COL14A1: variants seen among roughly 807,000 people sequenced by gnomAD.
The protein encoded by COL14A1 is collagen alpha-1(XIV) chain.
In COL14A1, 136 loss-of-function variants were observed where a neutral mutation model predicts 230.3. That is an observed-to-expected ratio of 0.59 (90% CI 0.51 to 0.68). The LOEUF (loss-of-function observed/expected upper bound fraction) is 0.68. Ranked by LOEUF, COL14A1 falls within the 30% of genes least tolerant of loss-of-function variation. The pLI, the probability that COL14A1 is intolerant of heterozygous loss-of-function variation, is 0.00. For synonymous variants in COL14A1, 792 were observed against 784.1 expected (o/e 1.01, Z -0.17); for missense variants, 1,976 against 2,215.8 (o/e 0.89, Z 2.17).
rs1047539171 is a variant in COL14A1 at position 120,366,162 on chromosome 8, T to C, written c.5078-1009T>C. ...TTTCAAGTGCTAGCATCTTGCTTGTTACATCTAATTTGTTGACAGTGAATA... is the reference window on the plus strand; with the variant it reads ...TTTCAAGTGCTAGCATCTTGCTTGTCACATCTAATTTGTTGACAGTGAATA... On this transcript the variant is annotated intron_variant, in intron 45 of 47. Transcript: ENST00000297848. 1.5e-4 allele frequency among the ~76,000 whole-genome samples: 23 copies of C among 152,254 alleles called. 1 individual carries two copies. The highest frequency in any genetic ancestry group is 2.5e-4 in the Non-Finnish European group (17 of 68,048).
chr8:120,255,641 C>T (rs1819123127), intron 23 of COL14A1, among the ~76,000 whole-genome samples: 1 of 152,156 alleles, frequency 6.6e-6, no homozygotes, highest in Non-Finnish European at 1.5e-5. Flanking sequence ...AAAGCACTTG[C>T]AGTAGTGCTT....
intron 5 of COL14A1, among the ~76,000 whole-genome samples, chr8:120,176,300 G>A (rs557322305): frequency 1.5e-4 from 23 of 152,248 alleles, no homozygotes; most frequent in African/African-American, 5.3e-4. Flanking sequence ...CCCTCATGGA[G>A]CTTACATAAT....
intron 5 of COL14A1, among the ~76,000 whole-genome samples, chr8:120,176,212 G>A (rs1816278615): frequency 1.3e-5 from 2 of 152,306 alleles, no homozygotes; most frequent in African/African-American, 4.8e-5. Context: ...ACATAGAAGA[G>A]CTGGTAATTA....
chr8:120,195,542 G>A (rs182608879), intron 5 of COL14A1, among the ~76,000 whole-genome samples: 31 of 152,216 alleles, frequency 2.0e-4, no homozygotes, highest in Admixed American at 1.6e-3. Context: ...AGACATACTC[G>A]AGACTGGGTA....
intron 36 of COL14A1, among the ~76,000 whole-genome samples, chr8:120,308,277 C>T (rs1352669781): frequency 6.6e-6 from 1 of 152,208 alleles, no homozygotes; most frequent in African/African-American, 2.4e-5. Flanking sequence ...CCAGTGCGCC[C>T]AGCCTGAAGC....
At chr8:120,222,163 G>A (rs1294377382) in intron 14 of COL14A1, among the ~76,000 whole-genome samples, 1 of 152,144 alleles carries the variant, frequency 6.6e-6, no homozygotes, top group Non-Finnish European at 1.5e-5. Flanking sequence ...TTTTCAAATT[G>A]GGAGTAATAA....
At chr8:120,276,274 C>T (rs1819841161) in intron 26 of COL14A1, among the ~76,000 whole-genome samples, 1 of 150,898 alleles carries the variant, frequency 6.6e-6, no homozygotes, top group Non-Finnish European at 1.5e-5. Flanking sequence ...AAATCAAATA[C>T]CGTATGTTCT....
Position 120,332,155 on chromosome 8 carries a change from G to T in COL14A1, c.4674G>T (p.Lys1558Asn). The change falls in exon 41 of 48, where the codon AAG becomes AAT. Residue 1558 changes from lysine to asparagine, a missense_variant. Lys to Asn is a moderately conservative substitution (Grantham distance 94). Transcript: ENST00000297848. ...GSPGQRGLPG[K>N]DGSSGPPGPP... is the part of the protein sequence containing the mutation. ...CTTTTCGCCAGGGCCTTCCGGGAAA[G>T]GATGGATCCTCGGGACCTCCAGGAC... is the stretch of plus-strand genomic sequence containing the variant. 1 of 1,614,126 alleles carries T rather than the reference G, an allele frequency of 6.2e-7. No individual in the cohort carries two copies.
At position 120,208,300 on chromosome 8, in the gene COL14A1, A is replaced by G; in HGVS notation, c.1260A>G (p.Ile420Met). The G allele has an allele frequency of 6.2e-7, 1 of 1,613,564 alleles. No homozygotes were observed. The highest frequency in any genetic ancestry group is 8.5e-7 in the Non-Finnish European group (1 of 1,179,580). ...TGATGTCTTTAACTGAATATCAGAT[A>G]GCAGTCTTTGCAATCTATGCCCACA... Reference protein sequence around the residue: ...KNLMSLTEYQIAVFAIYAHTA... With the variant: ...KNLMSLTEYQMAVFAIYAHTA... Residue 420 changes from isoleucine (I) to methionine (M), a missense_variant, in exon 11 of 48, where the codon ATA (isoleucine) becomes ATG (methionine). This residue lies in a region of COL14A1 where 1,791 missense variants were observed against 2,019.5 expected (regional missense o/e 0.89). Transcript: ENST00000297848.
intron 19 of COL14A1, among the ~76,000 whole-genome samples, chr8:120,237,081 T>C (rs1259994782): frequency 1.3e-5 from 2 of 152,184 alleles, no homozygotes; most frequent in African/African-American, 4.8e-5. Context: ...TTGGTGAATC[T>C]GATGATTGGG....
At chr8:120,280,128 A>T (rs1006777446) in intron 29 of COL14A1, 29 bp downstream of exon 29, 2 of 1,612,196 alleles carry the variant, frequency 1.2e-6, no homozygotes, top group Admixed American at 3.3e-5. Flanking sequence ...GTACTTACTC[A>T]TGTTGCTTAA....
chr8:120,276,470 A>G (rs1381574524), intron 26 of COL14A1, among the ~76,000 whole-genome samples: 1 of 150,830 alleles, frequency 6.6e-6, no homozygotes, highest in Non-Finnish European at 1.5e-5. Context: ...ATACAATTCA[A>G]CCATGTAACC....
At position 120,333,488 on chromosome 8, in the gene COL14A1, A is replaced by G. The variant is rs888535064; in HGVS notation, c.4785+753A>G. On this transcript the variant is annotated intron_variant, in intron 42 of 47. Transcript: ENST00000297848. ...TGAATTGCTAAGTCTACATCCATAA[A>G]CTGAAACATTGAAAAATGCAAAGAT... Among the ~76,000 whole-genome samples, 10 of 152,242 alleles carry G rather than the reference A, an allele frequency of 6.6e-5. 1 individual carries two copies. Among genetic ancestry groups the G allele is most frequent in the East Asian group, 1.9e-4 (1 of 5,198 alleles).
Position 120,281,193 on chromosome 8 carries a change from C to A in COL14A1, c.3824+134C>A, listed in dbSNP as rs928684371. On this transcript the variant is annotated intron_variant, in intron 31 of 47. Transcript: ENST00000297848. The stretch of plus-strand genomic sequence containing the variant: ...CGACATTTAGAGTAGAAGATATTTA[C>A]ATTTCTTTGTTTAAAAACACCAGAC... The A allele has an allele frequency of 6.2e-6, 5 of 808,094 alleles. No individual in the cohort carries two copies. The African/African-American group carries it at 8.8e-5, about 14-fold the overall frequency. 50.1% of individuals were successfully genotyped at this position (808,094 alleles called of 1,614,324 possible). A position where few individuals can be genotyped will look rare whatever the true frequency, so the allele number is the denominator to read the frequency against.
At chr8:120,282,616 G>A (rs896444371) in intron 31 of COL14A1, among the ~76,000 whole-genome samples, 9 of 151,962 alleles carry the variant, frequency 5.9e-5, no homozygotes, top group Non-Finnish European at 1.2e-4. Flanking sequence ...ATTTTCAAAC[G>A]CACGCTAAAC....
Position 120,213,271 on chromosome 8 carries a change from T to C in COL14A1, c.1597+694T>C, listed in dbSNP as rs923016315. Among the ~76,000 whole-genome samples, 35 of 152,308 alleles carry C rather than the reference T, an allele frequency of 2.3e-4. 1 individual carries two copies. The highest frequency in any genetic ancestry group is 1.6e-3 in the Admixed American group (25 of 15,282). On this transcript the variant is annotated intron_variant, in intron 13 of 47. Coordinates refer to ENST00000297848, the MANE Select transcript of COL14A1 (RefSeq NM_021110.4). ...AAACAATATTACTGTGGCATACTGATAATACTTACCACATACTATTAAAAT... is the reference window on the plus strand; with the variant it reads ...AAACAATATTACTGTGGCATACTGACAATACTTACCACATACTATTAAAAT...
At chr8:120,251,308 G>A (rs1410379342) in intron 22 of COL14A1, among the ~76,000 whole-genome samples, 10 of 152,128 alleles carry the variant, frequency 6.6e-5, no homozygotes, top group African/African-American at 2.4e-4. Flanking sequence ...ATCTGTGTTG[G>A]CATTTTTCAA....
Position 120,255,358 on chromosome 8 carries a change from T to C in COL14A1, c.2869+2T>C. Reference sequence around the variant, plus strand: ...GGGTTGTTATAGAATCCCTCCAGGGTGAGTACAATCCATCACTTACGTTTT... The same window carrying C: ...GGGTTGTTATAGAATCCCTCCAGGGCGAGTACAATCCATCACTTACGTTTT... On this transcript the variant is annotated splice_donor_variant, in intron 23 of 47. Transcript: ENST00000297848. LOFTEE classifies it high-confidence loss of function. 6.3e-7 allele frequency: 1 copy of C among 1,598,904 alleles called. No individual in the cohort carries two copies. The highest frequency in any genetic ancestry group is 1.1e-5 in the South Asian group (1 of 90,766).
At chr8:120,336,111 C>T (rs1822063217) in intron 42 of COL14A1, among the ~76,000 whole-genome samples, 1 of 152,050 alleles carries the variant, frequency 6.6e-6, no homozygotes, top group Non-Finnish European at 1.5e-5. Context: ...GTGAGGGATA[C>T]AAAAGATCTC....
Sources: allele counts gnomAD v4.1 joint callset (sites outside exome capture counted in the v4.1 genomes callset), GRCh38; gene constraint gnomAD v4.1.1; regional missense constraint gnomAD v4.1.1; transcripts MANE v1.5; gene names NCBI Gene and HGNC (gene_info 2026-07-23, HGNC 2026-07-21).